The following RAB22A variants were observed in gnomAD, a reference collection of about 807,000 sequenced individuals.
The protein encoded by RAB22A is RAB22A, member RAS oncogene family.
In RAB22A, 13 loss-of-function variants were observed where a neutral mutation model predicts 30.2. The observed-to-expected ratio is 0.43, with a 90% confidence interval of 0.28 to 0.68. The LOEUF is 0.68. Among genes scored for constraint, RAB22A ranks in the 30% least tolerant of loss-of-function variants. RAB22A has a pLI of 0.18. For synonymous variants in RAB22A, 89 were observed against 87.2 expected (o/e 1.02, Z -0.11); for missense variants, 177 against 246.8 (o/e 0.72, Z 1.89).
intron 2 of RAB22A, among the ~76,000 whole-genome samples, chr20:58,338,625 TC>T (rs1474190706): frequency 1.3e-5 from 2 of 152,222 alleles, no homozygotes; most frequent in Non-Finnish European, 2.9e-5. Context: ...ACTTGAGACT[TC>T]CGGCTTCTTG....
chr20:58,326,165 T>A (rs1986566516), intron 2 of RAB22A, among the ~76,000 whole-genome samples: 1 of 152,146 alleles, frequency 6.6e-6, no homozygotes, highest in African/African-American at 2.4e-5. Flanking sequence ...TAACTTTCTG[T>A]ATGTTTATAT....
At chr20:58,356,292 C>T (rs1163910936) in intron 6 of RAB22A, among the ~76,000 whole-genome samples, 1 of 134,564 alleles carries the variant, frequency 7.4e-6, no homozygotes, top group Non-Finnish European at 1.6e-5. Context: ...GCCTGGGCAA[C>T]AAGAGCAAGA....
rs1987212637 is a variant in RAB22A at position 58,360,798 on chromosome 20, C to T, written c.*1095C>T. 6.6e-6 allele frequency: 1 copy of T among 152,570 alleles called. No individual in the cohort carries two copies. Among genetic ancestry groups the T allele is most frequent in the Non-Finnish European group, 1.5e-5 (1 of 68,056 alleles). 9.5% of individuals were successfully genotyped at this position (152,570 alleles called of 1,614,324 possible). A position where few individuals can be genotyped will look rare whatever the true frequency, so the allele number is the denominator to read the frequency against. The stretch of plus-strand genomic sequence containing the variant: ...CTTACAATCTTTAAAGGTTTCTCTG[C>T]CTTCCCTTCTACCCACCCGCCTCCC... On this transcript the variant is annotated 3_prime_UTR_variant, in exon 7 of 7. Coordinates refer to ENST00000244040, the MANE Select transcript of RAB22A (RefSeq NM_020673.3).
chr20:58,347,044 C>CT (rs1986961880), intron 3 of RAB22A, among the ~76,000 whole-genome samples: 1 of 152,210 alleles, frequency 6.6e-6, no homozygotes, highest in Admixed American at 6.5e-5. Context: ...CCTCTACCTA[C>CT]TTTTACCATG....
At position 58,359,591 on chromosome 20, in the gene RAB22A, C is replaced by T; in HGVS notation, c.488-15C>T. The T allele has an allele frequency of 6.4e-7, 1 of 1,560,644 alleles. No individual in the cohort carries two copies. The highest frequency in any genetic ancestry group is 8.8e-7 in the Non-Finnish European group (1 of 1,140,644). ...GTTAAAGCTCACTCCCTTCCCTTTTCTCATCTTGGTTTAGGTCGAAGAATT... is the reference window on the plus strand; with the variant it reads ...GTTAAAGCTCACTCCCTTCCCTTTTTTCATCTTGGTTTAGGTCGAAGAATT... On this transcript the variant is annotated splice_polypyrimidine_tract_variant and intron_variant, in intron 6 of 6. Coordinates refer to ENST00000244040, the MANE Select transcript of RAB22A (RefSeq NM_020673.3).
chr20:58,351,603 C>G (rs1232785255), intron 3 of RAB22A, among the ~76,000 whole-genome samples: 1 of 152,170 alleles, frequency 6.6e-6, no homozygotes, highest in Admixed American at 6.5e-5. Context: ...CACCTGAAGT[C>G]GGGATTTCAA....
chr20:58,333,307 A>AAATAAATAAATAAATC lies in RAB22A; in HGVS notation c.117-10408_117-10407insAAATAAATAAATCAAT, dbSNP rs1193519347. 9.0e-4 allele frequency among the ~76,000 whole-genome samples: 136 copies of AAATAAATAAATAAATC among 151,642 alleles called. 1 individual carries two copies. The South Asian group carries it at 0.015, about 17-fold the overall frequency. ...TAAATAAATAAATAAATAAATAAAT[A>AAATAAATAAATAAATC]AATCCCGCCAGCTAATTCTGTATCC... is the stretch of plus-strand genomic sequence containing the variant. On this transcript the variant is annotated intron_variant, in intron 2 of 6. Transcript: ENST00000244040.
intron 2 of RAB22A, among the ~76,000 whole-genome samples, chr20:58,323,278 G>A (rs2122933386): frequency 6.6e-6 from 1 of 151,764 alleles, no homozygotes; most frequent in Non-Finnish European, 1.5e-5. Context: ...CTTTTTATTT[G>A]TTGATTATAT....
intron 2 of RAB22A, among the ~76,000 whole-genome samples, chr20:58,324,212 A>AT (rs1600726719): frequency 2.0e-5 from 3 of 152,094 alleles, no homozygotes; most frequent in Non-Finnish European, 1.5e-5. Context: ...TTCTTGTATG[A>AT]TAGTCTGATT....
At chr20:58,351,677 G>A (rs968656009) in intron 3 of RAB22A, among the ~76,000 whole-genome samples, 1 of 152,226 alleles carries the variant, frequency 6.6e-6, no homozygotes, top group Non-Finnish European at 1.5e-5. Flanking sequence ...GCCGGGCGTG[G>A]TAGCGCATGC....
intron 3 of RAB22A, among the ~76,000 whole-genome samples, chr20:58,345,270 G>A (rs1199151868): frequency 6.6e-6 from 1 of 152,028 alleles, no homozygotes; most frequent in Non-Finnish European, 1.5e-5. Flanking sequence ...GGTATATGCA[G>A]TGGCGTATAA....
rs554126997 is a variant in RAB22A at position 58,352,617 on chromosome 20, C to T, written c.199-656C>T. Among the ~76,000 whole-genome samples, 46 of 152,288 alleles carry T rather than the reference C, an allele frequency of 3.0e-4. 1 individual carries two copies. Among genetic ancestry groups the T allele is most frequent in the Non-Finnish European group, 5.1e-4 (35 of 68,022 alleles). On this transcript the variant is annotated intron_variant, in intron 3 of 6. Coordinates refer to ENST00000244040, the MANE Select transcript of RAB22A (RefSeq NM_020673.3). ...TGCTGTTCAAATGGTTATTCCTCTC[C>T]CTTCTCTTTCCTCCCTGTTGTGTGT...
In RAB22A at chr20:58,365,057, C is replaced by G. The variant is rs1431481325; in HGVS notation, c.*5354C>G. ...ACCAGTAACGATTTTTTTAAAGGGCCTTTCTTAATTGACAGTTTTAAGCTG... is the reference window on the plus strand; with the variant it reads ...ACCAGTAACGATTTTTTTAAAGGGCGTTTCTTAATTGACAGTTTTAAGCTG... On this transcript the variant is annotated 3_prime_UTR_variant, in exon 7 of 7. Coordinates refer to ENST00000244040, the MANE Select transcript of RAB22A (RefSeq NM_020673.3). 1 of 151,996 alleles carries G rather than the reference C, an allele frequency of 6.6e-6. No homozygotes were observed. Among genetic ancestry groups the G allele is most frequent in the Non-Finnish European group, 1.5e-5 (1 of 67,992 alleles). 9.4% of individuals were successfully genotyped at this position (151,996 alleles called of 1,614,324 possible).
intron 2 of RAB22A, among the ~76,000 whole-genome samples, chr20:58,338,765 A>G (rs1986805714): frequency 6.6e-6 from 1 of 152,204 alleles, no homozygotes; most frequent in South Asian, 2.1e-4. Context: ...TGTTAGAGGA[A>G]CTTCTAGATG....
chr20:58,358,503 A>G (rs1012752336), intron 6 of RAB22A, among the ~76,000 whole-genome samples: 3 of 152,240 alleles, frequency 2.0e-5, no homozygotes, highest in Non-Finnish European at 4.4e-5. Flanking sequence ...TTTGTTAATA[A>G]CATCAAAATA....
At chr20:58,334,992 A>C (rs1277407278) in intron 2 of RAB22A, among the ~76,000 whole-genome samples, 1 of 152,222 alleles carries the variant, frequency 6.6e-6, no homozygotes, top group African/African-American at 2.4e-5. Flanking sequence ...CTTGTTCATT[A>C]TAGCCAAAAA....
chr20:58,312,090 G>T (rs954503397), intron 2 of RAB22A, among the ~76,000 whole-genome samples: 2 of 151,992 alleles, frequency 1.3e-5, no homozygotes, highest in Non-Finnish European at 2.9e-5. Context: ...TGAGTAGCTG[G>T]AATTATGGGC....
At chr20:58,352,919 T>C (rs1263734218) in intron 3 of RAB22A, among the ~76,000 whole-genome samples, 1 of 152,192 alleles carries the variant, frequency 6.6e-6, no homozygotes, top group East Asian at 1.9e-4. Flanking sequence ...ATTATTTTTA[T>C]CTCCCCTGAT....
Position 58,365,989 on chromosome 20 carries a change from A to G in RAB22A, c.*6286A>G, listed in dbSNP as rs1241957272. On this transcript the variant is annotated 3_prime_UTR_variant, in exon 7 of 7. Coordinates refer to ENST00000244040, the MANE Select transcript of RAB22A (RefSeq NM_020673.3). The stretch of plus-strand genomic sequence containing the variant: ...AAACCATTCGTTACGCTGTGTAGAC[A>G]GAGCTTTATTGCCCTGGAAAAGATT... 3 of 152,122 alleles carry G rather than the reference A, an allele frequency of 2.0e-5. No homozygotes were observed. Among genetic ancestry groups the G allele is most frequent in the East Asian group, 3.8e-4 (2 of 5,198 alleles). 9.4% of individuals were successfully genotyped at this position (152,122 alleles called of 1,614,324 possible).
Sources: gnomAD v4.1 joint callset for allele counts (sites outside exome capture counted in the v4.1 genomes callset) on GRCh38, gnomAD v4.1.1 for gene constraint, MANE v1.5 for transcripts, NCBI Gene and HGNC (gene_info 2026-07-23, HGNC 2026-07-21) for gene names.